Variants in SAMD4A observed in about 807,000 individuals in gnomAD.
SAMD4A encodes the protein protein Smaug homolog 1.
Under a neutral mutation model 81.3 loss-of-function variants are expected in SAMD4A, and 33 were observed. That is an observed-to-expected ratio of 0.41 (90% confidence interval 0.31 to 0.54). The LOEUF (loss-of-function observed/expected upper bound fraction) is 0.54, where lower values mean the gene tolerates loss of function less well. Among genes scored for constraint, SAMD4A ranks in the 20% least tolerant of loss-of-function variants. SAMD4A has a pLI of 0.37. For missense variants in SAMD4A, 854 were observed against 951.1 expected, an observed-to-expected ratio of 0.90 and a Z score of 1.34; for synonymous variants, 389 against 382.1, an observed-to-expected ratio of 1.02 and a Z score of -0.21.
chr14:54,698,890 G>A (rs2036640054), intron 2 of SAMD4A, among the ~76,000 whole-genome samples: 1 of 151,426 alleles, frequency 6.6e-6, no homozygotes, highest in South Asian at 2.1e-4. Flanking sequence ...TGTTTCGTTT[G>A]TACTATGACT....
At position 54,727,166 on chromosome 14, in the gene SAMD4A, C is replaced by CTTTTTTTTTTTTTT. The variant is rs567831973; in HGVS notation, c.716-9830_716-9817dup. ...TTATCACAACAGCCTTCTTTTTTTC[C>CTTTTTTTTTTTTTT]TTTTTTTTTTTTTTTTTTTTTTTTT... On this transcript the variant is annotated intron_variant, in intron 3 of 12. Transcript: ENST00000554335. Among the ~76,000 whole-genome samples the CTTTTTTTTTTTTTT allele has an allele frequency of 2.4e-3, 142 of 59,182 alleles. 44 individuals are homozygous for CTTTTTTTTTTTTTT. The highest frequency in any genetic ancestry group is 4.1e-3 in the Non-Finnish European group (121 of 29,780). 38.8% of individuals were successfully genotyped at this position (59,182 alleles called of 152,430 possible). A position where few individuals can be genotyped will look rare whatever the true frequency, so the allele number is the denominator to read the frequency against.
intron 8 of SAMD4A, among the ~76,000 whole-genome samples, chr14:54,769,255 T>C (rs2038639550): frequency 6.6e-6 from 1 of 152,196 alleles, no homozygotes; most frequent in South Asian, 2.1e-4. Flanking sequence ...TCAGATCTAC[T>C]AAATCAGGCT....
intron 8 of SAMD4A, among the ~76,000 whole-genome samples, chr14:54,768,393 A>G (rs907001483): frequency 6.6e-6 from 1 of 152,004 alleles, no homozygotes; most frequent in Non-Finnish European, 1.5e-5. Context: ...CTTTTGAGGG[A>G]GATATTATTA....
In SAMD4A at chr14:54,591,272, T is replaced by A. The variant is rs372060300; in HGVS notation, c.196+23160T>A. On this transcript the variant is annotated intron_variant, in intron 2 of 12. Coordinates refer to ENST00000554335, the MANE Select transcript of SAMD4A (RefSeq NM_015589.6). Reference sequence around the variant, plus strand: ...GGGTATTCCTAGCCTCTAGGGGTACTTTAGAAATTTGTGGATGTATTCGTG... The same window carrying A: ...GGGTATTCCTAGCCTCTAGGGGTACATTAGAAATTTGTGGATGTATTCGTG... Among the ~76,000 whole-genome samples the A allele has an allele frequency of 5.9e-5, 9 of 152,304 alleles. No individual in the cohort carries two copies. In the East Asian group the frequency reaches 9.6e-4, roughly 16 times the overall value.
At chr14:54,626,055 TGTGTGCGCGCGCGCGCGCGCGA>T (rs1207850298) in intron 2 of SAMD4A, among the ~76,000 whole-genome samples, 3 of 108,294 alleles carry the variant, frequency 2.8e-5, no homozygotes, top group Non-Finnish European at 5.7e-5. Context: ...TGTGTGTGTG[TGTGTGCGCGCGCGCGCGCGCGA>T]GTGCGCACAT....
intron 2 of SAMD4A, among the ~76,000 whole-genome samples, chr14:54,647,318 CT>C (rs1218036174): frequency 3.3e-5 from 5 of 152,204 alleles, no homozygotes; most frequent in Admixed American, 2.0e-4. Context: ...TTACCATTTT[CT>C]CTCTTTTACC....
intron 2 of SAMD4A, among the ~76,000 whole-genome samples, chr14:54,579,798 G>T (rs529398521): frequency 2.6e-4 from 39 of 152,310 alleles, no homozygotes; most frequent in Admixed American, 1.8e-3. Context: ...CTGCAGAAAG[G>T]AAAGCCTAAG....
intron 2 of SAMD4A, among the ~76,000 whole-genome samples, chr14:54,591,500 A>G (rs143991657): frequency 1.1e-3 from 170 of 150,900 alleles, no homozygotes; most frequent in African/African-American, 3.9e-3. Flanking sequence ...TTTTTGCACA[A>G]TTTAAATGGA....
intron 10 of SAMD4A, 138 bp downstream of exon 10, chr14:54,775,273 G>T: frequency 1.1e-6 from 1 of 906,946 alleles, no homozygotes. Flanking sequence ...TTCCTCAGAG[G>T]TAACAGCATT....
chr14:54,644,449 C>T (rs373766763), intron 2 of SAMD4A, among the ~76,000 whole-genome samples: 1 of 152,176 alleles, frequency 6.6e-6, no homozygotes, highest in Non-Finnish European at 1.5e-5. Context: ...GACAGAAATT[C>T]GTTCATTTCA....
Position 54,748,921 on chromosome 14 carries a change from G to T in SAMD4A, c.1086G>T (p.Ala362=), listed in dbSNP as rs372003910. 1 of 1,549,892 alleles carries T rather than the reference G, an allele frequency of 6.5e-7. No homozygotes were observed. Among genetic ancestry groups the T allele is most frequent in the Non-Finnish European group, 8.7e-7 (1 of 1,145,030 alleles). Residue 362 remains alanine, a synonymous_variant, in exon 5 of 13, where the codon GCG becomes GCT. Transcript: ENST00000554335. ...CCCTCACCGAGTGCCAGCTGGAGGC[G>T]CAGGTATGTGCTTGAGGTGACTGTT... ...MMALTECQLE[A]QNVTKGARHK...
At chr14:54,711,962 A>G (rs1166658995) in intron 3 of SAMD4A, among the ~76,000 whole-genome samples, 1 of 152,060 alleles carries the variant, frequency 6.6e-6, no homozygotes, top group African/African-American at 2.4e-5. Flanking sequence ...TTTGCCCTTC[A>G]CCTTTTTTCA....
chr14:54,625,643 A>G (rs1027992402), intron 2 of SAMD4A, among the ~76,000 whole-genome samples: 1 of 152,220 alleles, frequency 6.6e-6, no homozygotes, highest in African/African-American at 2.4e-5. Flanking sequence ...CAAGTTTCTC[A>G]GAGAAAGGGC....
At chr14:54,660,030 G>A (rs1271781898) in intron 2 of SAMD4A, among the ~76,000 whole-genome samples, 4 of 151,780 alleles carry the variant, frequency 2.6e-5, no homozygotes, top group African/African-American at 9.7e-5. Context: ...GCAGTGAGCC[G>A]AGATCGCCCC....
chr14:54,764,165 A>C (rs1410417910), intron 7 of SAMD4A, among the ~76,000 whole-genome samples: 2 of 152,228 alleles, frequency 1.3e-5, no homozygotes, highest in East Asian at 3.8e-4. Flanking sequence ...GGACGCCACT[A>C]TTCACTGCTG....
chr14:54,654,015 T>C (rs2035464906), intron 2 of SAMD4A, among the ~76,000 whole-genome samples: 1 of 152,212 alleles, frequency 6.6e-6, no homozygotes, highest in Non-Finnish European at 1.5e-5. Flanking sequence ...TGTGTCACTT[T>C]ATTGCCAAAA....
intron 2 of SAMD4A, among the ~76,000 whole-genome samples, chr14:54,664,535 A>G (rs985961876): frequency 1.3e-5 from 2 of 152,136 alleles, no homozygotes; most frequent in Middle Eastern, 3.4e-3. Context: ...GGGCAGAACC[A>G]TCTTTACACT....
At chr14:54,682,084 A>T in intron 2 of SAMD4A, 19 of 983,702 alleles carry the variant, frequency 1.9e-5, no homozygotes, top group Non-Finnish European at 2.2e-5. Flanking sequence ...TGTGTGACTC[A>T]GGAATCTCCG....
At chr14:54,643,879 C>T (rs150574978) in intron 2 of SAMD4A, among the ~76,000 whole-genome samples, 1 of 152,252 alleles carries the variant, frequency 6.6e-6, no homozygotes, top group African/African-American at 2.4e-5. Context: ...GAACAGACGC[C>T]TTTCCACCAA....
Sources: allele counts gnomAD v4.1 joint callset (sites outside exome capture counted in the v4.1 genomes callset), GRCh38; gene constraint gnomAD v4.1.1; transcripts MANE v1.5; gene names NCBI Gene and HGNC (gene_info 2026-07-23, HGNC 2026-07-21).